Variants in C1GALT1 observed in about 807,000 individuals in gnomAD.
C1GALT1 encodes core 1 synthase, glycoprotein-N-acetylgalactosamine 3-beta-galactosyltransferase 1.
Under a neutral mutation model 31.0 loss-of-function variants are expected in C1GALT1, and 11 were observed. The observed-to-expected ratio is 0.36, with a 90% CI of 0.22 to 0.59. C1GALT1 has a LOEUF of 0.59. C1GALT1 is among the 20% of genes least tolerant of loss of function. C1GALT1 has a pLI of 0.79. For missense variants in C1GALT1, 424 were observed against 425.2 expected (o/e 1.00, Z 0.03); for synonymous variants, 175 against 143.6 (o/e 1.22, Z -1.56).
chr7:7,196,355 T>C (rs1217285088), intron 1 of C1GALT1, among the ~76,000 whole-genome samples: 2 of 152,144 alleles, frequency 1.3e-5, no homozygotes, highest in African/African-American at 4.8e-5. Flanking sequence ...AGAATGATGG[T>C]TTCCAGCTTC....
intron 1 of C1GALT1, among the ~76,000 whole-genome samples, 174 bp downstream of exon 1, chr7:7,182,994 G>A (rs1218411836): frequency 6.6e-6 from 1 of 152,122 alleles, no homozygotes; most frequent in Non-Finnish European, 1.5e-5. Context: ...CCTGAGGAAG[G>A]CGCGAGGACT....
chr7:7,232,271 C>G (rs1280233281), intron 1 of C1GALT1, among the ~76,000 whole-genome samples: 1 of 152,126 alleles, frequency 6.6e-6, no homozygotes, highest in African/African-American at 2.4e-5. Flanking sequence ...ACTAAAAGAA[C>G]CTAGTCAGCC....
chr7:7,216,912 T>C (rs1041699726), intron 1 of C1GALT1, among the ~76,000 whole-genome samples: 3 of 152,224 alleles, frequency 2.0e-5, no homozygotes, highest in Non-Finnish European at 4.4e-5. Context: ...GAGTACTGCC[T>C]GCTGTAATTC....
intron 2 of C1GALT1, among the ~76,000 whole-genome samples, chr7:7,174,084 C>T (rs1297190149): frequency 6.6e-6 from 1 of 151,838 alleles, no homozygotes; most frequent in Non-Finnish European, 1.5e-5. Context: ...TATGTCCCCA[C>T]ACGGCCTTTC....
Position 7,237,358 on chromosome 7 carries a change from G to T in C1GALT1, c.221-897G>T, listed in dbSNP as rs147576339. On this transcript the variant is annotated intron_variant, in intron 2 of 3. Transcript: ENST00000436587. ...TGCACAAGATAATGAGGTTACACTA[G>T]GATGTAAATCAGTTTTACGCTCACT... Among the ~76,000 whole-genome samples, 24 of 152,292 alleles carry T rather than the reference G, an allele frequency of 1.6e-4. 1 individual carries two copies. In the East Asian group the frequency reaches 4.6e-3, roughly 29 times the overall value.
upstream of C1GALT1, among the ~76,000 whole-genome samples, chr7:7,179,014 G>C (rs1358907633): frequency 6.6e-6 from 1 of 152,180 alleles, no homozygotes; most frequent in Non-Finnish European, 1.5e-5. Flanking sequence ...AAGGCCTGAA[G>C]GGTTGGAGGA....
chr7:7,221,225 C>T (rs1351112486), intron 1 of C1GALT1, among the ~76,000 whole-genome samples: 3 of 151,858 alleles, frequency 2.0e-5, no homozygotes, highest in Non-Finnish European at 4.4e-5. Flanking sequence ...TCTTTCTTGT[C>T]TTTTAACTTT....
chr7:7,224,621 G>T (rs922172973), intron 1 of C1GALT1, among the ~76,000 whole-genome samples: 2 of 152,038 alleles, frequency 1.3e-5, no homozygotes, highest in East Asian at 3.9e-4. Flanking sequence ...AAATTTATAC[G>T]TGTAGAGTTG....
intron 2 of C1GALT1, among the ~76,000 whole-genome samples, chr7:7,165,208 C>T (rs1011193208): frequency 6.6e-6 from 1 of 152,098 alleles, no homozygotes; most frequent in Non-Finnish European, 1.5e-5. Context: ...GAGCTCAGGC[C>T]AGGTTGTGCC....
rs898438104 is a variant in C1GALT1 at position 7,247,159 on chromosome 7, G to A, written c.*3432G>A. 7.9e-5 allele frequency: 12 copies of A among 152,090 alleles called. 1 individual carries two copies. The highest frequency in any genetic ancestry group is 7.9e-4 in the Admixed American group (12 of 15,274). 9.4% of individuals were successfully genotyped at this position (152,090 alleles called of 1,614,324 possible). On this transcript the variant is annotated 3_prime_UTR_variant, in exon 4 of 4. Transcript: ENST00000436587. Reference sequence around the variant, plus strand: ...ATACATTTTTCTGCTAATTCATTCTGTTTTGTGTGACCTAATAAAGCAAAA... The same window carrying A: ...ATACATTTTTCTGCTAATTCATTCTATTTTGTGTGACCTAATAAAGCAAAA...
chr7:7,174,098 G>A (rs987201734), intron 2 of C1GALT1, among the ~76,000 whole-genome samples: 8 of 151,498 alleles, frequency 5.3e-5, no homozygotes, highest in African/African-American at 9.7e-5. Context: ...GCCTTTCCTC[G>A]TGTATGCTGA....
chr7:7,207,476 C>T lies in C1GALT1; in HGVS notation c.-18+24656C>T, dbSNP rs1402003788. On this transcript the variant is annotated intron_variant, in intron 1 of 3. Coordinates refer to ENST00000436587, the MANE Select transcript of C1GALT1 (RefSeq NM_020156.5). ...GTAGTTGTGCACACTGTGCCTGGCT[C>T]AGATTTTCCATGTCTTTATTCATAT... Among the ~76,000 whole-genome samples, 5 of 150,582 alleles carry T rather than the reference C, an allele frequency of 3.3e-5. No homozygotes were observed. In the East Asian group the frequency reaches 7.8e-4, roughly 24 times the overall value.
At chr7:7,173,211 C>T (rs550538294) in intron 2 of C1GALT1, among the ~76,000 whole-genome samples, 1 of 152,152 alleles carries the variant, frequency 6.6e-6, no homozygotes, top group African/African-American at 2.4e-5. Flanking sequence ...CTCTGGTTCA[C>T]ATGAGATCTG....
intron 1 of C1GALT1, among the ~76,000 whole-genome samples, chr7:7,188,045 G>A (rs1329955156): frequency 2.0e-5 from 3 of 152,182 alleles, no homozygotes; most frequent in Non-Finnish European, 4.4e-5. Flanking sequence ...ACTTGAGTCA[G>A]AGAGGTTAGA....
At chr7:7,212,580 A>C (rs1782054865) in intron 1 of C1GALT1, among the ~76,000 whole-genome samples, 1 of 152,202 alleles carries the variant, frequency 6.6e-6, no homozygotes, top group Admixed American at 6.5e-5. Context: ...TGTGATCAAC[A>C]AGGCTGTTTA....
At chr7:7,214,783 T>G (rs952024274) in intron 1 of C1GALT1, among the ~76,000 whole-genome samples, 3 of 152,152 alleles carry the variant, frequency 2.0e-5, no homozygotes, top group African/African-American at 7.2e-5. Context: ...GTTTACATTC[T>G]CCAGTCGAAA....
intron 1 of C1GALT1, among the ~76,000 whole-genome samples, chr7:7,231,940 A>G (rs1053959764): frequency 2.6e-5 from 4 of 152,284 alleles, no homozygotes; most frequent in Middle Eastern, 3.4e-3. Context: ...AGATTGGTCT[A>G]TTTTTGTTTT....
At chr7:7,184,046 G>C (rs1780707495) in intron 1 of C1GALT1, among the ~76,000 whole-genome samples, 1 of 152,106 alleles carries the variant, frequency 6.6e-6, no homozygotes, top group South Asian at 2.1e-4. Context: ...TTTTTAGAAG[G>C]TATTTAGATG....
chr7:7,247,278 C>A lies in C1GALT1; in HGVS notation c.*3551C>A, dbSNP rs1783885760. The A allele has an allele frequency of 6.6e-6, 1 of 151,970 alleles. No homozygotes were observed. Among genetic ancestry groups the A allele is most frequent in the South Asian group, 2.1e-4 (1 of 4,826 alleles). The allele number at this position is 151,970 out of a possible 1,614,324, so 9.4% of individuals were successfully genotyped here. A position where few individuals can be genotyped will look rare whatever the true frequency, so the allele number is the denominator to read the frequency against. ...TATTCACTATCTTTTAGATTAAGAT[C>A]TTTGTTATTTGGTAAATGATTTCAG... On this transcript the variant is annotated 3_prime_UTR_variant, in exon 4 of 4. Coordinates refer to ENST00000436587, the MANE Select transcript of C1GALT1 (RefSeq NM_020156.5).
Sources: gnomAD v4.1 joint callset for allele counts (sites outside exome capture counted in the v4.1 genomes callset) on GRCh38, gnomAD v4.1.1 for gene constraint, MANE v1.5 for transcripts, NCBI Gene and HGNC (gene_info 2026-07-23, HGNC 2026-07-21) for gene names.